SUPT6H: variants seen among roughly 807,000 people sequenced by gnomAD.
SUPT6H encodes transcription elongation factor SPT6.
Under a neutral mutation model 222.3 loss-of-function variants are expected in SUPT6H, and 11 were observed. The ratio of observed to expected loss-of-function variants is 0.05; its 90% CI spans 0.03 to 0.08. The LOEUF is 0.08. Ranked by LOEUF, SUPT6H falls within the 10% of genes least tolerant of loss-of-function variation. The probability of loss-of-function intolerance (pLI) is 1.00; values close to 1 mark genes in which losing one functional copy is unlikely to be tolerated. For synonymous variants in SUPT6H, 762 were observed against 801.2 expected, an observed-to-expected ratio of 0.95 and a Z score of 0.83; for missense variants, 1,422 against 2,216.0, an observed-to-expected ratio of 0.64 and a Z score of 7.19.
In SUPT6H at chr17:28,695,444, G is replaced by C. The variant is rs759499090; in HGVS notation, c.3867G>C (p.Arg1289Ser). The C allele has an allele frequency of 6.2e-7, 1 of 1,614,116 alleles. No homozygotes were observed. The highest frequency in any genetic ancestry group is 1.7e-5 in the Admixed American group (1 of 60,014). ...GCCGCACCTCAGACCTCATGGACAG[G>C]AACAATGAGTGGAAGCTGCCCAAAG... ...LTCRTSDLMD[R>S]NNEWKLPKDT... The change falls in exon 29 of 37, where the codon AGG (arginine) becomes AGC (serine). Residue 1289 changes from arginine to serine, a missense_variant. This residue lies in a region of SUPT6H where 395 missense variants were observed against 580.6 expected (regional missense o/e 0.68). Coordinates refer to ENST00000314616, the MANE Select transcript of SUPT6H (RefSeq NM_003170.5).
rs751072780 is a variant in SUPT6H at position 28,677,802 on chromosome 17, A to C, written c.985A>C (p.Thr329Pro). Residue 329 changes from threonine (T) to proline (P), a missense_variant, in exon 8 of 37, where the codon ACC becomes CCC. Thr to Pro is a conservative substitution (Grantham distance 38). Around this residue, in one of 13 missense-constraint regions of SUPT6H, gnomAD observed 389 missense variants for 544.6 expected, o/e 0.71. Coordinates refer to ENST00000314616, the MANE Select transcript of SUPT6H (RefSeq NM_003170.5). ...CTACAGGAATGCTTTTGCCACACCA[A>C]CCATTTCTCTCCAGGTACACAAAAA... Reference protein sequence around the residue: ...WIYRNAFATPTISLQESCDYL... With the variant: ...WIYRNAFATPPISLQESCDYL... 1 of 1,614,124 alleles carries C rather than the reference A, an allele frequency of 6.2e-7. No homozygotes were observed. Among genetic ancestry groups the C allele is most frequent in the South Asian group, 1.1e-5 (1 of 91,076 alleles).
chr17:28,674,967 T>C lies in SUPT6H; in HGVS notation c.346-3T>C, dbSNP rs1269731930. The C allele has an allele frequency of 1.2e-6, 2 of 1,613,354 alleles. No individual in the cohort carries two copies. Among genetic ancestry groups the C allele is most frequent in the Admixed American group, 3.3e-5 (2 of 59,900 alleles). On this transcript the variant is annotated splice_polypyrimidine_tract_variant and splice_region_variant and intron_variant, in intron 4 of 36. Coordinates refer to ENST00000314616, the MANE Select transcript of SUPT6H (RefSeq NM_003170.5). ...CTGATAAGGCAGGTTTTCCCACCCC[T>C]AGCAAAAGTACCGGCGTGTCAAAAA...
At chr17:28,665,905 G>A (rs1028073734) in intron 1 of SUPT6H, among the ~76,000 whole-genome samples, 1 of 152,186 alleles carries the variant, frequency 6.6e-6, no homozygotes, top group Admixed American at 6.5e-5. Context: ...GACAGAGCAG[G>A]ACCCCATCTC....
chr17:28,667,510 TATAA>T (rs1187224774), intron 1 of SUPT6H, among the ~76,000 whole-genome samples: 3 of 147,108 alleles, frequency 2.0e-5, no homozygotes, highest in Non-Finnish European at 4.5e-5. Flanking sequence ...TGTATATATA[TATAA>T]ATACGTGTGT....
Position 28,690,119 on chromosome 17 carries a change from G to A in SUPT6H, c.3380G>A (p.Arg1127Gln), listed in dbSNP as rs765183011. ...AAACACATCACACTCTATGACATCC[G>A]GGCAGAGCTGAGCTGTCGATATAAG... ...GDKHITLYDIRAELSCRYKDL... is the reference protein window; with the variant it reads ...GDKHITLYDIQAELSCRYKDL... The change falls in exon 26 of 37, where the codon CGG becomes CAG. Residue 1127 changes from arginine (R) to glutamine (Q), a missense_variant. Physicochemically the swap from Arg to Gln is conservative, Grantham distance 43 (BLOSUM62 1). Around this residue, in one of 13 missense-constraint regions of SUPT6H, gnomAD observed 60 missense variants for 96.7 expected, o/e 0.62. Coordinates refer to ENST00000314616, the MANE Select transcript of SUPT6H (RefSeq NM_003170.5). 1.9e-6 allele frequency: 3 copies of A among 1,613,142 alleles called. No individual in the cohort carries two copies. The highest frequency in any genetic ancestry group is 1.7e-5 in the Admixed American group (1 of 59,976).
chr17:28,692,885 C>T (rs1283049436), intron 27 of SUPT6H, among the ~76,000 whole-genome samples: 1 of 147,422 alleles, frequency 6.8e-6, no homozygotes, highest in Non-Finnish European at 1.5e-5. Flanking sequence ...CTTGTAGTCC[C>T]AGCTACTCGG....
At chr17:28,679,314 C>T (rs926528204) in intron 11 of SUPT6H, among the ~76,000 whole-genome samples, 19 of 151,928 alleles carry the variant, frequency 1.3e-4, no homozygotes, top group Middle Eastern at 3.4e-3. Flanking sequence ...CGGAGGTTGC[C>T]GTGAGCTGAG....
chr17:28,677,642 C>A, intron 7 of SUPT6H, 73 bp from the exon 8 acceptor site: 2 of 1,072,886 alleles, frequency 1.9e-6, no homozygotes, highest in Non-Finnish European at 2.9e-6. Context: ...ACGTTTCTGT[C>A]CAAAAAGGTA....
rs1257099509 is a variant in SUPT6H, at chr17:28,701,649, T to G, written c.*24T>G. 6.3e-7 allele frequency: 1 copy of G among 1,586,886 alleles called. No individual in the cohort carries two copies. The highest frequency in any genetic ancestry group is 1.1e-5 in the South Asian group (1 of 88,396). On this transcript the variant is annotated 3_prime_UTR_variant, in exon 37 of 37. Transcript: ENST00000314616. ...AGGGGGCCTGCTCCTCGGACTCTGG[T>G]TACCTCTGAGGCTGGGAAAGGCCTG...
At chr17:28,696,674 G>T (rs2031934400) in intron 29 of SUPT6H, among the ~76,000 whole-genome samples, 170 bp from the exon 30 acceptor site, 1 of 151,370 alleles carries the variant, frequency 6.6e-6, no homozygotes, top group Non-Finnish European at 1.5e-5. Flanking sequence ...GATCGCTTGA[G>T]CCCAGGAGTT....
At chr17:28,668,385 CT>C (rs2030217211) in intron 1 of SUPT6H, among the ~76,000 whole-genome samples, 1 of 152,194 alleles carries the variant, frequency 6.6e-6, no homozygotes, top group Non-Finnish European at 1.5e-5. Context: ...GACTGCAGTG[CT>C]ACTGCAGTCT....
chr17:28,698,345 C>G (rs1037870803), intron 32 of SUPT6H, among the ~76,000 whole-genome samples: 1 of 152,252 alleles, frequency 6.6e-6, no homozygotes, highest in Non-Finnish European at 1.5e-5. Context: ...GGCCAGTACA[C>G]TGGTCTCTCC....
rs763652445 is a variant in SUPT6H, at chr17:28,682,689, A to T, written c.1598-38A>T. 3 of 1,605,446 alleles carry T rather than the reference A, an allele frequency of 1.9e-6. No individual in the cohort carries two copies. In the East Asian group the frequency reaches 6.7e-5, roughly 36 times the overall value. On this transcript the variant is annotated intron_variant, in intron 13 of 36. Coordinates refer to ENST00000314616, the MANE Select transcript of SUPT6H (RefSeq NM_003170.5). ...TGAAAGCCAAGAGGTTTATCAGCCT[A>T]TCTGCTGCCTTACCCTTCACTCTTC...
chr17:28,684,446 G>T, intron 17 of SUPT6H, 140 bp from the exon 18 acceptor site: 3 of 998,102 alleles, frequency 3.0e-6, no homozygotes. Flanking sequence ...TGGTAAGCCT[G>T]CCAATGGCTA....
In SUPT6H at chr17:28,687,312, G is replaced by A; in HGVS notation, c.2847G>A (p.Val949=). The part of the protein sequence containing the change: ...CLKFHPLQEH[V]VKEELLNALY... ...CTGCTGAATGTCCACAGGAGCATGTGGTGAAAGAGGAGCTGCTCAACGCCT... is the reference window on the plus strand; with the variant it reads ...CTGCTGAATGTCCACAGGAGCATGTAGTGAAAGAGGAGCTGCTCAACGCCT... The change falls in exon 23 of 37, where the codon GTG becomes GTA. Residue 949 remains valine (V), a synonymous_variant. Coordinates refer to ENST00000314616, the MANE Select transcript of SUPT6H (RefSeq NM_003170.5). The A allele has an allele frequency of 1.2e-6, 2 of 1,614,142 alleles. No individual in the cohort carries two copies. The highest frequency in any genetic ancestry group is 1.7e-6 in the Non-Finnish European group (2 of 1,180,032).
chr17:28,686,433 C>T lies in SUPT6H; in HGVS notation c.2564+18C>T. ...GAGAACAGGTAGGTAGGGATTAGAC[C>T]ACACCTGGTTTAAGGCCGTGACCCA... On this transcript the variant is annotated intron_variant, in intron 20 of 36. Transcript: ENST00000314616. 1 of 1,612,764 alleles carries T rather than the reference C, an allele frequency of 6.2e-7. No individual in the cohort carries two copies. Among genetic ancestry groups the T allele is most frequent in the South Asian group, 1.1e-5 (1 of 91,000 alleles).
At chr17:28,684,992 A>G (rs1597706107) in intron 19 of SUPT6H, 31 bp downstream of exon 19, 1 of 1,582,640 alleles carries the variant, frequency 6.3e-7, no homozygotes, top group East Asian at 2.2e-5. Context: ...TACTAAGTGT[A>G]CATCTGGAGT....
At chr17:28,673,538 C>G in intron 2 of SUPT6H, 28 bp downstream of exon 2, 1 of 1,507,788 alleles carries the variant, frequency 6.6e-7, no homozygotes, top group Non-Finnish European at 9.2e-7. Context: ...TCAAGCTTCT[C>G]CCCACTATTG....
At position 28,682,948 on chromosome 17, in the gene SUPT6H, C is replaced by T; in HGVS notation, c.1734C>T (p.Phe578=). The change falls in exon 15 of 37, where the codon TTC becomes TTT. Residue 578 remains phenylalanine (F), a synonymous_variant. Coordinates refer to ENST00000314616, the MANE Select transcript of SUPT6H (RefSeq NM_003170.5). ...ELAKDYVCSQ[F]PTPEAVLEGA... ...TGCACCATTTTCCCCACAGCCAGTT[C>T]CCTACTCCAGAAGCTGTGCTAGAAG... 1 of 1,611,822 alleles carries T rather than the reference C, an allele frequency of 6.2e-7. No individual in the cohort carries two copies. The highest frequency in any genetic ancestry group is 1.3e-5 in the African/African-American group (1 of 74,948).
Sources: gnomAD v4.1 joint callset for allele counts (sites outside exome capture counted in the v4.1 genomes callset) on GRCh38, gnomAD v4.1.1 for gene constraint, gnomAD v4.1.1 regional missense constraint, MANE v1.5 for transcripts, NCBI Gene and HGNC (gene_info 2026-07-23, HGNC 2026-07-21) for gene names.